CNBP: variants seen among roughly 807,000 people sequenced by gnomAD.
The protein encoded by CNBP is cellular nucleic acid-binding protein.
Under a neutral mutation model 21.2 loss-of-function variants are expected in CNBP, and 6 were observed. The ratio of observed to expected loss-of-function variants is 0.28; its 90% confidence interval spans 0.16 to 0.56. The LOEUF (loss-of-function observed/expected upper bound fraction) is 0.56. CNBP is among the 20% of genes least tolerant of loss of function. CNBP has a pLI of 0.93. For synonymous variants in CNBP, 61 were observed against 74.9 expected (o/e 0.81, Z 0.96); for missense variants, 112 against 233.1 (o/e 0.48, Z 3.38).
At chr3:129,176,374 T>C (rs1237652539) in intron 1 of CNBP, among the ~76,000 whole-genome samples, 1 of 152,212 alleles carries the variant, frequency 6.6e-6, no homozygotes. Context: ...CCAAGACACT[T>C]TGTTAATATC....
At chr3:129,178,768 C>G (rs1199966252) in intron 1 of CNBP, among the ~76,000 whole-genome samples, 1 of 149,532 alleles carries the variant, frequency 6.7e-6, no homozygotes, top group Non-Finnish European at 1.5e-5. Flanking sequence ...TTTTTTGAGA[C>G]GGAGTCTTGC....
chr3:129,174,390 G>A (rs1244611709), intron 1 of CNBP, among the ~76,000 whole-genome samples: 1 of 149,016 alleles, frequency 6.7e-6, no homozygotes, highest in Non-Finnish European at 1.5e-5. Flanking sequence ...GGCGGGCAGG[G>A]CACGGTGGCT....
chr3:129,170,551 C>T lies in CNBP; in HGVS notation c.436G>A (p.Val146Ile), dbSNP rs1456595202. The T allele has an allele frequency of 6.2e-7, 1 of 1,614,090 alleles. No individual in the cohort carries two copies. The highest frequency in any genetic ancestry group is 1.3e-5 in the African/African-American group (1 of 74,944). The change falls in exon 5 of 5, where the codon GTA becomes ATA. Residue 146 changes from valine (V) to isoleucine (I), a missense_variant. Physicochemically the swap from Val to Ile is conservative, Grantham distance 29. Coordinates refer to ENST00000422453, the MANE Select transcript of CNBP (RefSeq NM_003418.5). The stretch of plus-strand genomic sequence containing the variant: ...CTTGTCTTGCTGCAGTTGATGGCTA[C>T]ATGACCAGTTTCACCACACCTAAAA... ...KCYRCGETGHVAINCSKTSEV... is the reference protein window; with the variant it reads ...KCYRCGETGHIAINCSKTSEV...
chr3:129,172,520 T>C (rs1044828312), intron 1 of CNBP, among the ~76,000 whole-genome samples: 1 of 151,900 alleles, frequency 6.6e-6, no homozygotes, highest in Non-Finnish European at 1.5e-5. Flanking sequence ...GGGTGGAGGT[T>C]GCAGTGAGCC....
At chr3:129,179,148 G>C (rs927335897) in intron 1 of CNBP, among the ~76,000 whole-genome samples, 1 of 152,072 alleles carries the variant, frequency 6.6e-6, no homozygotes, top group African/African-American at 2.4e-5. Context: ...GTGGTGGCCC[G>C]TGCCTGTAGT....
intron 1 of CNBP, among the ~76,000 whole-genome samples, chr3:129,174,576 A>T (rs1320502021): frequency 6.6e-6 from 1 of 151,078 alleles, no homozygotes; most frequent in South Asian, 2.1e-4. Flanking sequence ...GAGGCAGGAT[A>T]ATCTCTTGAA....
At chr3:129,172,632 G>GCAGGCAGACAGGCAGC (rs1937612652) in intron 1 of CNBP, among the ~76,000 whole-genome samples, 1 of 43,944 alleles carries the variant, frequency 2.3e-5, no homozygotes, top group African/African-American at 6.8e-5. Context: ...AGCCAGGCAG[G>GCAGGCAGACAGGCAGC]CAGGCAGGCA....
chr3:129,170,592 T>G, intron 4 of CNBP, 22 bp from the exon 5 acceptor site: 1 of 1,587,264 alleles, frequency 6.3e-7, no homozygotes, highest in Non-Finnish European at 8.7e-7. Flanking sequence ...ATTAAAAGTT[T>G]TCACAATGGG....
At chr3:129,178,888 G>A (rs1938097914) in intron 1 of CNBP, among the ~76,000 whole-genome samples, 1 of 151,958 alleles carries the variant, frequency 6.6e-6, no homozygotes, top group Admixed American at 6.6e-5. Context: ...GACTACAGGT[G>A]CCCACCACGA....
chr3:129,171,551 A>G lies in CNBP; in HGVS notation c.125-13T>C, dbSNP rs1160959052. 1 of 1,614,188 alleles carries G rather than the reference A, an allele frequency of 6.2e-7. No homozygotes were observed. On this transcript the variant is annotated splice_polypyrimidine_tract_variant and intron_variant, in intron 2 of 4. Transcript: ENST00000422453. ...ACAAACTGGAAACCTGTTTTGAGCA[A>G]AAACAAAGAATTCGGCTAGTCAGAC... is the stretch of plus-strand genomic sequence containing the variant.
chr3:129,175,913 T>C (rs755958445), intron 1 of CNBP, among the ~76,000 whole-genome samples: 1 of 152,280 alleles, frequency 6.6e-6, no homozygotes, highest in Non-Finnish European at 1.5e-5. Context: ...TGCCCTCTCC[T>C]CCCTTTGGCT....
rs1417616047 is a variant in CNBP at position 129,169,846 on chromosome 3, A to G, written c.*607T>C. 1.8e-5 allele frequency: 4 copies of G among 228,286 alleles called. No individual in the cohort carries two copies. The highest frequency in any genetic ancestry group is 3.5e-5 in the Non-Finnish European group (4 of 114,896). The allele number at this position is 228,286 out of a possible 1,614,324, so 14.1% of individuals were successfully genotyped here. A position where few individuals can be genotyped will look rare whatever the true frequency, so the allele number is the denominator to read the frequency against. Reference sequence around the variant, plus strand: ...AGTCTTTGAAAATAATGTGTTCTAAACCTTTGCCATCACCATCTATGTGTC... The same window carrying G: ...AGTCTTTGAAAATAATGTGTTCTAAGCCTTTGCCATCACCATCTATGTGTC... On this transcript the variant is annotated 3_prime_UTR_variant, in exon 5 of 5. Transcript: ENST00000422453.
intron 1 of CNBP, among the ~76,000 whole-genome samples, chr3:129,178,453 T>A (rs1203550998): frequency 6.6e-6 from 1 of 152,206 alleles, no homozygotes; most frequent in Non-Finnish European, 1.5e-5. Context: ...AGAAAATACA[T>A]TTAAAATAAA....
rs1937482126 is a variant in CNBP, at chr3:129,167,943, CCT to C, written c.*2508_*2509del. 2.0e-5 allele frequency among the ~76,000 whole-genome samples: 3 copies of C among 152,276 alleles called. No homozygotes were observed. In the South Asian group the frequency reaches 6.2e-4, roughly 32 times the overall value. ...TCATAAAGAAATGGGTATGTTATTA[CCT>C]CTTTTTCTTGCTTGCTCAGGACTAT... On this transcript the variant is annotated 3_prime_UTR_variant, in exon 5 of 5. Transcript: ENST00000422453.
intron 1 of CNBP, among the ~76,000 whole-genome samples, chr3:129,183,333 C>T (rs1456455466): frequency 5.3e-5 from 8 of 152,184 alleles, no homozygotes; most frequent in Admixed American, 1.3e-4. Context: ...CACGACTATA[C>T]CCACCCCATC....
At chr3:129,172,869 A>C (rs1266972044) in intron 1 of CNBP, among the ~76,000 whole-genome samples, 1 of 152,220 alleles carries the variant, frequency 6.6e-6, no homozygotes, top group African/African-American at 2.4e-5. Context: ...GAATAACCCA[A>C]ACCAATGAAG....
chr3:129,175,088 T>C (rs542780395), intron 1 of CNBP, among the ~76,000 whole-genome samples: 118 of 151,776 alleles, frequency 7.8e-4, no homozygotes, highest in African/African-American at 2.7e-3. Flanking sequence ...TCTCAGCACT[T>C]TGGGAGGCAG....
In CNBP at chr3:129,170,834, TCTTA is replaced by T. The variant is rs549666502; in HGVS notation, c.416+241_416+244del. ...CTCTGGAAGTTTCAAATTATAACAC[TCTTA>T]CTTTTATATATTAAAAAAGTCCAGT... is the stretch of plus-strand genomic sequence containing the variant. On this transcript the variant is annotated intron_variant, in intron 4 of 4. Transcript: ENST00000422453. Among the ~76,000 whole-genome samples the T allele has an allele frequency of 2.3e-3, 349 of 152,296 alleles. 1 individual carries two copies. The highest frequency in any genetic ancestry group is 8.1e-3 in the African/African-American group (338 of 41,564).
chr3:129,174,938 T>C (rs1365790741), intron 1 of CNBP, among the ~76,000 whole-genome samples: 4 of 152,192 alleles, frequency 2.6e-5, no homozygotes, highest in Non-Finnish European at 5.9e-5. Context: ...GGCTCACACC[T>C]GTAATCCCAG....
Sources: gnomAD v4.1 joint callset for allele counts (sites outside exome capture counted in the v4.1 genomes callset) on GRCh38, gnomAD v4.1.1 for gene constraint, MANE v1.5 for transcripts, NCBI Gene and HGNC (gene_info 2026-07-23, HGNC 2026-07-21) for gene names.